The following TLE3 variants were observed in gnomAD, a reference collection of about 807,000 sequenced individuals.
TLE3 encodes the protein TLE family member 3, transcriptional corepressor.
TLE3 carries 14 observed loss-of-function variants against 93.0 expected under a neutral mutation model. The ratio of observed to expected loss-of-function variants is 0.15; its 90% CI spans 0.10 to 0.24. The LOEUF (loss-of-function observed/expected upper bound fraction) is 0.24. Among genes scored for constraint, TLE3 ranks in the 10% least tolerant of loss-of-function variants. TLE3 has a pLI of 1.00. For missense variants in TLE3, 693 were observed against 1,046.6 expected (o/e 0.66, Z 4.66); for synonymous variants, 451 against 425.0 (o/e 1.06, Z -0.75).
intron 4 of TLE3, among the ~76,000 whole-genome samples, chr15:70,077,716 G>T (rs1407944388): frequency 6.6e-6 from 1 of 152,254 alleles, no homozygotes; most frequent in South Asian, 2.1e-4. Context: ...TCCTGGCAGG[G>T]AGAGGATCAG....
rs2055228630 is a variant in TLE3, at chr15:70,048,171, G to C, written c.*1926C>G. On this transcript the variant is annotated 3_prime_UTR_variant, in exon 20 of 20. Coordinates refer to ENST00000451782, the MANE Select transcript of TLE3 (RefSeq NM_001105192.3). ...GCGGGGGGCGGGACTGGCAAACTGG[G>C]GGGAGAGGCAATTAAGACGCAACAA... 1 of 151,830 alleles carries C rather than the reference G, an allele frequency of 6.6e-6. No homozygotes were observed. Among genetic ancestry groups the C allele is most frequent in the African/African-American group, 2.4e-5 (1 of 41,248 alleles). The allele number at this position is 151,830 out of a possible 1,614,324, so 9.4% of individuals were successfully genotyped here. A position where few individuals can be genotyped will look rare whatever the true frequency, so the allele number is the denominator to read the frequency against.
Position 70,055,187 on chromosome 15 carries a change from G to A in TLE3, c.1440C>T (p.Leu480=). 6.2e-7 allele frequency: 1 copy of A among 1,614,164 alleles called. No homozygotes were observed. The highest frequency in any genetic ancestry group is 1.3e-5 in the African/African-American group (1 of 75,060). The change falls in exon 15 of 20, where the codon CTC becomes CTT. Residue 480 remains leucine (L), a synonymous_variant. Coordinates refer to ENST00000451782, the MANE Select transcript of TLE3 (RefSeq NM_001105192.3). ...CGGCACACACCACCTCCCCGTGGCT[G>A]AGTGTGTTGATCTGCCGGGCGTGCC... is the stretch of plus-strand genomic sequence containing the variant. ...IPRHARQINT[L]SHGEVVCAVT... is the part of the protein sequence containing the mutation.
intron 14 of TLE3, 45 bp downstream of exon 14, chr15:70,056,253 C>T (rs983013327): frequency 1.3e-6 from 2 of 1,594,996 alleles, no homozygotes; most frequent in Non-Finnish European, 1.7e-6. Flanking sequence ...AGTGCTCTCT[C>T]CTGCCCACCC....
chr15:70,058,275 G>A lies in TLE3; in HGVS notation c.935C>T (p.Thr312Ile), dbSNP rs1363080419. The part of the protein sequence containing the change: ...KDLGHNDKSS[T>I]PGLKSNTPTP... ...TGGTGTGTTGGACTTGAGCCCAGGG[G>A]TGGAGGATTTGTCGTTCTGAAGAGG... The change falls in exon 12 of 20, where the codon ACC (threonine) becomes ATC (isoleucine). Residue 312 changes from threonine (T) to isoleucine (I), a missense_variant. Thr to Ile is a moderately conservative substitution (Grantham distance 89, BLOSUM62 -1). Around this residue, in one of 4 missense-constraint regions of TLE3, gnomAD observed 405 missense variants for 468.9 expected, o/e 0.86. Transcript: ENST00000451782. The surrounding 1 kb of genome is among the most constrained non-coding windows in gnomAD (Gnocchi z 4.1). 1.1e-5 allele frequency: 18 copies of A among 1,610,254 alleles called. No homozygotes were observed. The highest frequency in any genetic ancestry group is 1.4e-5 in the Non-Finnish European group (17 of 1,178,014).
At chr15:70,076,479 A>G (rs1331333115) in intron 4 of TLE3, among the ~76,000 whole-genome samples, 2 of 152,144 alleles carry the variant, frequency 1.3e-5, no homozygotes. Flanking sequence ...CGAAATAAAA[A>G]TCACCCCCAA....
chr15:70,091,040 G>A (rs566038303), intron 4 of TLE3, among the ~76,000 whole-genome samples: 4 of 152,350 alleles, frequency 2.6e-5, no homozygotes, highest in South Asian at 4.1e-4. Flanking sequence ...AGCAGCAGTA[G>A]CAGCTTTACC....
chr15:70,093,490 G>C (rs768089363), intron 4 of TLE3, among the ~76,000 whole-genome samples: 1 of 152,188 alleles, frequency 6.6e-6, no homozygotes, highest in Non-Finnish European at 1.5e-5. Context: ...TTCAAGTCAC[G>C]GTCACCAAAG....
chr15:70,081,207 G>C (rs546010235), intron 4 of TLE3, among the ~76,000 whole-genome samples: 2 of 152,292 alleles, frequency 1.3e-5, no homozygotes, highest in Admixed American at 1.3e-4. Context: ...AAAATGAAGG[G>C]ATTAACTAGA....
chr15:70,081,234 G>A (rs916477761), intron 4 of TLE3, among the ~76,000 whole-genome samples: 5 of 152,206 alleles, frequency 3.3e-5, no homozygotes, highest in African/African-American at 7.2e-5. Context: ...ATAAGATCCA[G>A]GAGCCCTAAT....
rs2055219730 is a variant in TLE3 at position 70,048,047 on chromosome 15, G to GA, written c.*2049dup. ...GAGAAGGGGGTGGAAGCAGCGCAGG[G>GA]AATGCTGTGAGATGAGAAGAGCTCA... On this transcript the variant is annotated 3_prime_UTR_variant, in exon 20 of 20. Coordinates refer to ENST00000451782, the MANE Select transcript of TLE3 (RefSeq NM_001105192.3). The GA allele has an allele frequency of 6.6e-6, 1 of 151,506 alleles. No homozygotes were observed. The highest frequency in any genetic ancestry group is 2.4e-5 in the African/African-American group (1 of 41,142). 9.4% of individuals were successfully genotyped at this position (151,506 alleles called of 1,614,324 possible).
At position 70,066,048 on chromosome 15, in the gene TLE3, C is replaced by G. The variant is rs780856458; in HGVS notation, c.543G>C (p.Lys181Asn). Residue 181 changes from lysine (K) to asparagine (N), a missense_variant, in exon 7 of 20, where the codon AAG (lysine) becomes AAC (asparagine). Physicochemically the swap from Lys to Asn is moderately conservative, Grantham distance 94. This residue lies in a region of TLE3 where 405 missense variants were observed against 468.9 expected (regional missense o/e 0.86). Coordinates refer to ENST00000451782, the MANE Select transcript of TLE3 (RefSeq NM_001105192.3). ...ALGSQAHLTV[K>N]DEKNHHELDH... Reference sequence around the variant, plus strand: ...CGAGTTCATGGTGGTTCTTCTCATCCTTCACCGTCAGATGGGCCTGGCTGC... The same window carrying G: ...CGAGTTCATGGTGGTTCTTCTCATCGTTCACCGTCAGATGGGCCTGGCTGC... The G allele has an allele frequency of 1.2e-6, 2 of 1,611,088 alleles. No homozygotes were observed. Among genetic ancestry groups the G allele is most frequent in the Admixed American group, 3.3e-5 (2 of 59,740 alleles).
At chr15:70,062,395 G>A (rs2056547520) in intron 8 of TLE3, among the ~76,000 whole-genome samples, 1 of 152,188 alleles carries the variant, frequency 6.6e-6, no homozygotes, top group Non-Finnish European at 1.5e-5. Flanking sequence ...GGGAGGGGGC[G>A]TGCGGCTGCT....
chr15:70,053,570 G>C (rs999930105), intron 16 of TLE3, 196 bp from the exon 17 acceptor site: 7 of 558,130 alleles, frequency 1.3e-5, no homozygotes, highest in African/African-American at 1.1e-4. Context: ...CAGTTCCACG[G>C]AAGGGTTTGC....
chr15:70,066,290 G>T, intron 6 of TLE3, 72 bp from the exon 7 acceptor site: 1 of 1,319,832 alleles, frequency 7.6e-7, no homozygotes, highest in Non-Finnish European at 1.0e-6. Context: ...TCAGGAGGGA[G>T]GGAGGGAGTG....
intron 4 of TLE3, among the ~76,000 whole-genome samples, chr15:70,083,654 A>C (rs1160018251): frequency 6.7e-6 from 1 of 148,870 alleles, no homozygotes; most frequent in African/African-American, 2.5e-5. Context: ...TTGCCATGGC[A>C]ACCCCCAGCC....
At chr15:70,066,273 G>A (rs1037368283) in intron 6 of TLE3, 55 bp from the exon 7 acceptor site, 23 of 1,410,128 alleles carry the variant, frequency 1.6e-5, no homozygotes, top group Non-Finnish European at 4.7e-6. Flanking sequence ...GGGGAGGCGT[G>A]GCCACCTCAG....
chr15:70,065,963 GCCCATGC>G, intron 7 of TLE3, 44 bp downstream of exon 7: 1 of 1,475,418 alleles, frequency 6.8e-7, no homozygotes, highest in South Asian at 1.2e-5. Flanking sequence ...GCCTATGAGC[GCCCATGC>G]CCACCCCTGC....
chr15:70,081,749 G>T (rs2057789797), intron 4 of TLE3, among the ~76,000 whole-genome samples: 1 of 152,234 alleles, frequency 6.6e-6, no homozygotes, highest in South Asian at 2.1e-4. Context: ...AAAGAGCATG[G>T]TACTGTGAGT....
intron 2 of TLE3, 83 bp from the exon 3 acceptor site, chr15:70,095,724 CT>C: frequency 6.7e-7 from 1 of 1,484,524 alleles, no homozygotes; most frequent in Non-Finnish European, 9.0e-7. Context: ...TCTAGAGCCA[CT>C]TTTCCACTTT....
Sources: allele counts gnomAD v4.1 joint callset (sites outside exome capture counted in the v4.1 genomes callset), GRCh38; gene constraint gnomAD v4.1.1; regional missense constraint gnomAD v4.1.1; non-coding constraint Gnocchi (gnomAD v3.1); transcripts MANE v1.5; gene names NCBI Gene and HGNC (gene_info 2026-07-23, HGNC 2026-07-21).